The following IFNAR1 variants were observed in gnomAD, a reference collection of about 807,000 sequenced individuals.
IFNAR1 encodes interferon alpha and beta receptor subunit 1.
Under a neutral mutation model 62.1 loss-of-function variants are expected in IFNAR1, and 47 were observed. That is an observed-to-expected ratio of 0.76 (90% CI 0.60 to 0.97). The LOEUF is 0.97. Ranked by LOEUF, IFNAR1 falls within the 50% of genes least tolerant of loss-of-function variation. The pLI is 0.00. For missense variants in IFNAR1, 638 were observed against 654.5 expected, an observed-to-expected ratio of 0.97 and a Z score of 0.27; for synonymous variants, 219 against 226.9, an observed-to-expected ratio of 0.97 and a Z score of 0.31.
At chr21:33,345,806 TG>T (rs1325812784) in intron 6 of IFNAR1, among the ~76,000 whole-genome samples, 1 of 152,240 alleles carries the variant, frequency 6.6e-6, no homozygotes, top group African/African-American at 2.4e-5. Flanking sequence ...ATTACTTTAG[TG>T]GTTTTGACAA....
intron 1 of IFNAR1, chr21:33,334,815 T>A: frequency 1.1e-6 from 1 of 894,280 alleles, no homozygotes; most frequent in Non-Finnish European, 1.9e-6. Context: ...ACCACTCAAT[T>A]CATGACCCAG....
chr21:33,355,887 G>A lies in IFNAR1; in HGVS notation c.*338G>A, dbSNP rs1359104649. 8.2e-5 allele frequency: 13 copies of A among 158,804 alleles called. No individual in the cohort carries two copies. Among genetic ancestry groups the A allele is most frequent in the South Asian group, 7.2e-4 (4 of 5,586 alleles). 9.8% of individuals were successfully genotyped at this position (158,804 alleles called of 1,614,324 possible). A position where few individuals can be genotyped will look rare whatever the true frequency, so the allele number is the denominator to read the frequency against. ...AAAAATTAGCCGGGTGTGGTGGCGC[G>A]CGCCTGTTGTCTTAGCTACTCAGGA... is the stretch of plus-strand genomic sequence containing the variant. On this transcript the variant is annotated 3_prime_UTR_variant, in exon 11 of 11. Transcript: ENST00000270139.
Position 33,345,298 on chromosome 21 carries a change from G to T in IFNAR1, c.726G>T (p.Gln242His), listed in dbSNP as rs761639736. Residue 242 changes from glutamine (Q) to histidine (H), a missense_variant, in exon 6 of 11, where the codon CAG (glutamine) becomes CAT (histidine). Physicochemically the swap from Gln to His is conservative, Grantham distance 24 (BLOSUM62 0). Transcript: ENST00000270139. Reference sequence around the variant, plus strand: ...ATATAGAAGTCAGTGTCCAAAATCAGAACTATGTTCTTAAATGGGATTATA... The same window carrying T: ...ATATAGAAGTCAGTGTCCAAAATCATAACTATGTTCTTAAATGGGATTATA... Reference protein sequence around the residue: ...PENIEVSVQNQNYVLKWDYTY... With the variant: ...PENIEVSVQNHNYVLKWDYTY... The T allele has an allele frequency of 7.5e-6, 12 of 1,608,466 alleles. No individual in the cohort carries two copies. Among genetic ancestry groups the T allele is most frequent in the Non-Finnish European group, 1.0e-5 (12 of 1,175,628 alleles).
intron 1 of IFNAR1, among the ~76,000 whole-genome samples, chr21:33,328,958 G>GA (rs1451648379): frequency 3.0e-4 from 45 of 152,050 alleles, no homozygotes; most frequent in African/African-American, 9.9e-4. Flanking sequence ...AACAATTTAT[G>GA]AAAAAATTAT....
At chr21:33,334,660 ACCCAG>A in intron 1 of IFNAR1, 1 of 780,550 alleles carries the variant, frequency 1.3e-6, no homozygotes, top group Non-Finnish European at 2.2e-6. Context: ...TCTGGGGAAG[ACCCAG>A]CCAGTGGGGC....
At chr21:33,343,752 T>C in intron 5 of IFNAR1, 76 bp downstream of exon 5, 2 of 944,512 alleles carry the variant, frequency 2.1e-6, no homozygotes, top group Admixed American at 2.3e-5. Context: ...CCCATATTGC[T>C]GAAGTTTACA....
chr21:33,343,819 T>C, intron 5 of IFNAR1, 143 bp downstream of exon 5: 1 of 564,636 alleles, frequency 1.8e-6, no homozygotes, highest in Non-Finnish European at 3.0e-6. Flanking sequence ...AAATAAATGT[T>C]ACTTGGGATT....
rs2083225708 is a variant in IFNAR1, at chr21:33,335,549, A to G, written c.102A>G (p.Gln34=). The G allele has an allele frequency of 1.2e-6, 2 of 1,602,230 alleles. No homozygotes were observed. Among genetic ancestry groups the G allele is most frequent in the African/African-American group, 1.3e-5 (1 of 74,694 alleles). ...AAGGKNLKSP[Q]KVEVDIIDDN... ...GTGGAAAAAATCTAAAATCTCCTCA[A>G]AAAGTAGAGGTCGACATCATAGATG... Residue 34 remains glutamine (Q), a synonymous_variant, in exon 2 of 11, where the codon CAA becomes CAG. Coordinates refer to ENST00000270139, the MANE Select transcript of IFNAR1 (RefSeq NM_000629.3).
rs1422246373 is a variant in IFNAR1 at position 33,346,730 on chromosome 21, A to G, written c.788+1370A>G. On this transcript the variant is annotated intron_variant, in intron 6 of 10. Transcript: ENST00000270139. The stretch of plus-strand genomic sequence containing the variant: ...GTGGTTTAGGACTAAAGAGTGGTAT[A>G]CAAATTATAAGGGTTGCAGAAATTG... 2.0e-5 allele frequency among the ~76,000 whole-genome samples: 3 copies of G among 152,254 alleles called. 1 individual carries two copies. The highest frequency in any genetic ancestry group is 4.1e-4 in the South Asian group (2 of 4,832).
chr21:33,332,284 C>A (rs887923945), intron 1 of IFNAR1, among the ~76,000 whole-genome samples: 1 of 152,042 alleles, frequency 6.6e-6, no homozygotes, highest in Non-Finnish European at 1.5e-5. Context: ...TTACTACTGA[C>A]ATTGAACACA....
At chr21:33,344,414 T>G (rs1012773974) in intron 5 of IFNAR1, among the ~76,000 whole-genome samples, 1 of 152,010 alleles carries the variant, frequency 6.6e-6, no homozygotes, top group Non-Finnish European at 1.5e-5. Context: ...GGGATTTGTT[T>G]ATTTTAATTG....
chr21:33,324,948 G>A (rs957310711), upstream of IFNAR1: 14 of 926,084 alleles, frequency 1.5e-5, no homozygotes, highest in South Asian at 3.1e-5. Flanking sequence ...AGCTAAGAGG[G>A]GCAGCGCGTG....
rs756170985 is a variant in IFNAR1 at position 33,341,097 on chromosome 21, T to C, written c.299T>C (p.Ile100Thr). Reference sequence around the variant, plus strand: ...CTCAAGCTGAATGTTTATGAAGAAATTAAATTGCGTATAAGAGCAGAAAAA... The same window carrying C: ...CTCAAGCTGAATGTTTATGAAGAAACTAAATTGCGTATAAGAGCAGAAAAA... The part of the protein sequence containing the change: ...SSLKLNVYEE[I>T]KLRIRAEKEN... The change falls in exon 3 of 11, where the codon ATT becomes ACT. Residue 100 changes from isoleucine (I) to threonine (T), a missense_variant. Transcript: ENST00000270139. 1 of 1,613,194 alleles carries C rather than the reference T, an allele frequency of 6.2e-7. No individual in the cohort carries two copies. The highest frequency in any genetic ancestry group is 2.2e-5 in the East Asian group (1 of 44,772).
Position 33,326,365 on chromosome 21 carries a change from C to T in IFNAR1, c.76+1234C>T, listed in dbSNP as rs537422037. 4.0e-3 allele frequency among the ~76,000 whole-genome samples: 613 copies of T among 152,052 alleles called. 2 individuals carry two copies. Among genetic ancestry groups the T allele is most frequent in the Non-Finnish European group, 6.5e-3 (443 of 67,960 alleles). ...AATTACAGGTGCACGCCACCACATC[C>T]GGCTATTTTTTGTATTTCTAGTAGA... is the stretch of plus-strand genomic sequence containing the variant. On this transcript the variant is annotated intron_variant, in intron 1 of 10. Transcript: ENST00000270139.
In IFNAR1 at chr21:33,355,511, A is replaced by C; in HGVS notation, c.1636A>C (p.Ser546Arg). 6.2e-7 allele frequency: 1 copy of C among 1,601,146 alleles called. No homozygotes were observed. Residue 546 changes from serine (S) to arginine (R), a missense_variant, in exon 11 of 11, where the codon AGT becomes CGT. Physicochemically the swap from Ser to Arg is moderately radical, Grantham distance 110 (BLOSUM62 -1). Transcript: ENST00000270139. ...TTATTCTAATGAAGATGAAAGCGAA[A>C]GTAAAACAAGTGAAGAACTACAGCA... ...GNYSNEDESE[S>R]KTSEELQQDF...
At chr21:33,338,265 G>A (rs370216456) in intron 2 of IFNAR1, among the ~76,000 whole-genome samples, 14 of 152,274 alleles carry the variant, frequency 9.2e-5, no homozygotes, top group African/African-American at 3.4e-4. Flanking sequence ...GGGCATGGTG[G>A]CTCACACCTG....
intron 8 of IFNAR1, 46 bp from the exon 9 acceptor site, chr21:33,352,712 T>C: frequency 9.0e-7 from 1 of 1,113,820 alleles, no homozygotes; most frequent in Non-Finnish European, 1.3e-6. Flanking sequence ...TTCCCTGATT[T>C]CTTGAGGTGA....
upstream of IFNAR1, chr21:33,324,966 G>A (rs998708470): frequency 2.6e-5 from 30 of 1,170,284 alleles, no homozygotes; most frequent in Non-Finnish European, 3.3e-5. Context: ...GTGTGCAGAG[G>A]GGCGGTGTGA....
chr21:33,334,929 A>T (rs1004445023), intron 1 of IFNAR1: 32 of 1,576,032 alleles, frequency 2.0e-5, no homozygotes, highest in African/African-American at 5.4e-5. Flanking sequence ...GAGATGGGGC[A>T]GGGGGTACCA....
Sources: gnomAD v4.1 joint callset for allele counts (sites outside exome capture counted in the v4.1 genomes callset) on GRCh38, gnomAD v4.1.1 for gene constraint, MANE v1.5 for transcripts, NCBI Gene and HGNC (gene_info 2026-07-23, HGNC 2026-07-21) for gene names.